Variants in PTK2 observed in about 807,000 individuals in gnomAD.
The protein encoded by PTK2 is protein tyrosine kinase 2.
PTK2 carries 45 observed loss-of-function variants against 150.1 expected under a neutral mutation model. The observed-to-expected ratio is 0.30, with a 90% CI of 0.24 to 0.38. PTK2 has a LOEUF of 0.38. Ranked by LOEUF, PTK2 falls within the 10% of genes least tolerant of loss-of-function variation. PTK2 has a pLI of 1.00. For synonymous variants in PTK2, 432 were observed against 449.2 expected (o/e 0.96, Z 0.48); for missense variants, 919 against 1,307.3 (o/e 0.70, Z 4.58).
chr8:140,908,695 A>G (rs759512089), intron 2 of PTK2, among the ~76,000 whole-genome samples: 1 of 151,652 alleles, frequency 6.6e-6, no homozygotes. Flanking sequence ...TTGGGGGGGG[A>G]CACAGCCAAA....
chr8:140,764,186 G>C (rs1309989430), intron 15 of PTK2, 48 bp downstream of exon 17: 5 of 1,443,138 alleles, frequency 3.5e-6, no homozygotes, highest in Non-Finnish European at 3.9e-6. Flanking sequence ...TAAATGCAAG[G>C]AGGCATCTGT....
At chr8:140,843,530 T>C (rs1738232045) in intron 7 of PTK2, among the ~76,000 whole-genome samples, 1 of 152,166 alleles carries the variant, frequency 6.6e-6, no homozygotes, top group African/African-American at 2.4e-5. Flanking sequence ...GCTTCCACAG[T>C]GACCCTGAAA....
At position 140,734,372 on chromosome 8, in the gene PTK2, C is replaced by T. The variant is rs561231037; in HGVS notation, c.2030+879G>A. Among the ~76,000 whole-genome samples, 6 of 152,304 alleles carry T rather than the reference C, an allele frequency of 3.9e-5. No homozygotes were observed. In the South Asian group the frequency reaches 1.2e-3, roughly 32 times the overall value. The stretch of plus-strand genomic sequence containing the variant: ...TTACAGTATTAAGTCTCATTCTAGA[C>T]TCCAATTCAATTCAATTCAACAAAT... On this transcript the variant is annotated intron_variant, in intron 22 of 31. Coordinates refer to ENST00000522684, the Ensembl canonical transcript of PTK2.
chr8:140,679,276 C>T (rs1028887856), intron 27 of PTK2, among the ~76,000 whole-genome samples: 2 of 151,820 alleles, frequency 1.3e-5, no homozygotes, highest in Non-Finnish European at 2.9e-5. Context: ...CTGCTCGCCT[C>T]GGCCTCCCAA....
intron 22 of PTK2, chr8:140,734,820 C>G (rs1319404266): frequency 4.0e-6 from 2 of 499,792 alleles, no homozygotes; most frequent in South Asian, 3.0e-5. Context: ...TGGCAAAGGT[C>G]AGGAAAGGGA....
At chr8:140,659,243 G>T in exon 32 of PTK2, 1 of 524,476 alleles carries the variant, frequency 1.9e-6, no homozygotes, top group East Asian at 3.1e-5. Flanking sequence ...TTGGATCCTG[G>T]ATTTTTCTGA....
intron 2 of PTK2, among the ~76,000 whole-genome samples, chr8:140,923,009 G>C (rs2100168121): frequency 6.6e-6 from 1 of 152,198 alleles, no homozygotes; most frequent in Non-Finnish European, 1.5e-5. Context: ...CAAGAAAAGT[G>C]ATGGAGAGAA....
intron 1 of PTK2, among the ~76,000 whole-genome samples, chr8:140,949,013 C>G (rs2100178616): frequency 6.6e-6 from 1 of 151,818 alleles, no homozygotes; most frequent in Non-Finnish European, 1.5e-5. Flanking sequence ...CCCGAGACAG[C>G]AAGACCAACC....
intron 1 of PTK2, among the ~76,000 whole-genome samples, chr8:141,000,709 C>T (rs1339419316): frequency 1.4e-5 from 2 of 147,592 alleles, no homozygotes; most frequent in African/African-American, 2.5e-5. Context: ...GGACTCCCCA[C>T]GTCCCCCAGC....
chr8:140,971,394 C>T (rs377467860), intron 1 of PTK2, among the ~76,000 whole-genome samples: 26 of 152,288 alleles, frequency 1.7e-4, no homozygotes, highest in African/African-American at 6.0e-4. Flanking sequence ...TTGTCAGTTC[C>T]TTGAATTTGT....
intron 24 of PTK2, among the ~76,000 whole-genome samples, chr8:140,703,332 T>G (rs757255831): frequency 1.2e-4 from 19 of 152,180 alleles, no homozygotes; most frequent in Non-Finnish European, 2.2e-4. Context: ...CCAAGGCATG[T>G]AGGTGCCCTG....
chr8:140,907,639 A>G (rs1431055122), intron 2 of PTK2, among the ~76,000 whole-genome samples: 1 of 152,190 alleles, frequency 6.6e-6, no homozygotes, highest in African/African-American at 2.4e-5. Context: ...TTTTCCCAAC[A>G]GCATATGCCC....
intron 14 of PTK2, 40 bp from the exon 17 acceptor site, chr8:140,764,330 A>AGATG: frequency 7.0e-7 from 1 of 1,427,452 alleles, no homozygotes; most frequent in Non-Finnish European, 9.9e-7. Context: ...GAGGTTAAAC[A>AGATG]TCTGACCTCC....
intron 1 of PTK2, among the ~76,000 whole-genome samples, chr8:141,000,451 G>C (rs2100199698): frequency 6.6e-6 from 1 of 152,148 alleles, no homozygotes; most frequent in Admixed American, 6.5e-5. Context: ...GCCGTCGCGA[G>C]CCTCCCTCTC....
At chr8:140,788,617 G>C (rs1712083958) in intron 14 of PTK2, among the ~76,000 whole-genome samples, 1 of 152,196 alleles carries the variant, frequency 6.6e-6, no homozygotes. Context: ...CTGGGAAGCA[G>C]AGGTTGCAGT....
intron 26 of PTK2, among the ~76,000 whole-genome samples, chr8:140,700,353 G>A (rs2100029502): frequency 6.6e-6 from 1 of 151,548 alleles, no homozygotes; most frequent in South Asian, 2.1e-4. Flanking sequence ...TTTATTTTTT[G>A]TAGAGACAGG....
intron 1 of PTK2, among the ~76,000 whole-genome samples, chr8:140,969,983 G>A (rs2100186666): frequency 6.6e-6 from 1 of 152,226 alleles, no homozygotes; most frequent in South Asian, 2.1e-4. Context: ...CCCTCTGGAG[G>A]CAGCTGTAGG....
At chr8:140,702,842 C>G in intron 24 of PTK2, 135 bp from the exon 28 acceptor site, 1 of 1,003,426 alleles carries the variant, frequency 1.0e-6, no homozygotes, top group South Asian at 1.8e-5. Flanking sequence ...TACCCATGTT[C>G]TAATCCCTTG....
chr8:140,812,867 C>T (rs537428932), intron 10 of PTK2, among the ~76,000 whole-genome samples: 98 of 152,142 alleles, frequency 6.4e-4, no homozygotes, highest in Non-Finnish European at 1.2e-3. Context: ...AACAGCAGCA[C>T]TCATTATTAA....
Sources: allele counts gnomAD v4.1 joint callset (sites outside exome capture counted in the v4.1 genomes callset), GRCh38; gene constraint gnomAD v4.1.1; transcripts MANE v1.5; gene names NCBI Gene and HGNC (gene_info 2026-07-23, HGNC 2026-07-21).